APAF1: variants seen among roughly 807,000 people sequenced by gnomAD.
APAF1 encodes the protein apoptotic peptidase activating factor 1.
APAF1 carries 91 observed loss-of-function variants against 152.4 expected under a neutral mutation model. That is an observed-to-expected ratio of 0.60 (90% CI 0.50 to 0.71). APAF1 has a LOEUF of 0.71. Among genes scored for constraint, APAF1 ranks in the 30% least tolerant of loss-of-function variants. APAF1 has a pLI of 0.00. For synonymous variants in APAF1, 484 were observed against 494.1 expected, an observed-to-expected ratio of 0.98 and a Z score of 0.27; for missense variants, 1,283 against 1,472.0, an observed-to-expected ratio of 0.87 and a Z score of 2.10.
chr12:98,725,641 T>C (rs2097749387), intron 25 of APAF1, 101 bp downstream of exon 25: 2 of 1,537,602 alleles, frequency 1.3e-6, no homozygotes, highest in Non-Finnish European at 1.8e-6. Context: ...AGCATAGTCC[T>C]GAAGTTGTGG....
At chr12:98,714,942 T>A (rs1019565631) in intron 21 of APAF1, among the ~76,000 whole-genome samples, 2 of 151,074 alleles carry the variant, frequency 1.3e-5, no homozygotes, top group Non-Finnish European at 2.9e-5. Context: ...CTCATTGCAC[T>A]GCCCACCAGC....
chr12:98,648,333 C>T lies in APAF1; in HGVS notation c.-27C>T. 2 of 1,613,852 alleles carry T rather than the reference C, an allele frequency of 1.2e-6. No homozygotes were observed. The highest frequency in any genetic ancestry group is 1.7e-6 in the Non-Finnish European group (2 of 1,179,902). On this transcript the variant is annotated 5_prime_UTR_variant, in exon 2 of 27. Transcript: ENST00000551964. Reference sequence around the variant, plus strand: ...TTTGGCTGTAGCTCATGGTTGACAGCTCAGAGAGAGAAAGATCTGAGGGAA... The same window carrying T: ...TTTGGCTGTAGCTCATGGTTGACAGTTCAGAGAGAGAAAGATCTGAGGGAA...
At chr12:98,668,727 G>A (rs2097676542) in intron 10 of APAF1, among the ~76,000 whole-genome samples, 1 of 152,148 alleles carries the variant, frequency 6.6e-6, no homozygotes, top group Non-Finnish European at 1.5e-5. Context: ...ACTGAAACAG[G>A]GGTCTTTGGG....
rs369973575 is a variant in APAF1 at position 98,667,495 on chromosome 12, C to T, written c.1363-18C>T. ...ATAAAATTGTTTCTGGCTTCTGAAA[C>T]GTTTCATTGGGTTGCAGGATCTACA... On this transcript the variant is annotated intron_variant, in intron 9 of 26. Coordinates refer to ENST00000551964, the MANE Select transcript of APAF1 (RefSeq NM_181861.2). 5.1e-5 allele frequency: 82 copies of T among 1,612,114 alleles called. No individual in the cohort carries two copies. The highest frequency in any genetic ancestry group is 6.6e-5 in the Non-Finnish European group (78 of 1,179,448).
At chr12:98,681,272 G>A (rs974023305) in intron 14 of APAF1, among the ~76,000 whole-genome samples, 1 of 152,030 alleles carries the variant, frequency 6.6e-6, no homozygotes, top group East Asian at 1.9e-4. Flanking sequence ...ATGTTGGTCA[G>A]GCTGGTATTG....
intron 17 of APAF1, among the ~76,000 whole-genome samples, chr12:98,701,802 C>T (rs1333313413): frequency 6.6e-6 from 1 of 152,172 alleles, no homozygotes; most frequent in Non-Finnish European, 1.5e-5. Context: ...TCTCCTTCCT[C>T]CTCCTGTTCT....
intron 4 of APAF1, among the ~76,000 whole-genome samples, chr12:98,654,567 C>G (rs2153309481): frequency 6.6e-6 from 1 of 152,064 alleles, no homozygotes; most frequent in Non-Finnish European, 1.5e-5. Context: ...GCCACCACAC[C>G]CGGCTAATTT....
At chr12:98,721,167 G>C (rs561168031) in intron 22 of APAF1, among the ~76,000 whole-genome samples, 1 of 152,086 alleles carries the variant, frequency 6.6e-6, no homozygotes, top group Non-Finnish European at 1.5e-5. Flanking sequence ...GTGTGTTTCC[G>C]TGCAACAACA....
chr12:98,689,048 C>T (rs1287471761), intron 16 of APAF1, among the ~76,000 whole-genome samples: 6 of 151,956 alleles, frequency 3.9e-5, no homozygotes, highest in Non-Finnish European at 7.4e-5. Flanking sequence ...CTCCTGGGCT[C>T]GAGTAGTCTG....
chr12:98,669,704 C>A (rs1565866215), intron 10 of APAF1, among the ~76,000 whole-genome samples: 1 of 152,078 alleles, frequency 6.6e-6, no homozygotes, highest in Non-Finnish European at 1.5e-5. Flanking sequence ...TCTTAGGATA[C>A]TTTTTTATAA....
intron 19 of APAF1, among the ~76,000 whole-genome samples, chr12:98,707,699 T>TAC (rs2097723087): frequency 6.7e-6 from 1 of 149,406 alleles, no homozygotes. Flanking sequence ...GTACTATATA[T>TAC]ATATATATAT....
At chr12:98,682,255 A>G (rs562392155) in intron 14 of APAF1, among the ~76,000 whole-genome samples, 743 of 151,628 alleles carry the variant, frequency 4.9e-3, no homozygotes, top group Non-Finnish European at 7.4e-3. Context: ...GGGTTTCACC[A>G]TGTTAGCCAG....
At chr12:98,703,240 G>A in intron 17 of APAF1, 131 bp from the exon 18 acceptor site, 1 of 960,354 alleles carries the variant, frequency 1.0e-6, no homozygotes, top group Non-Finnish European at 1.6e-6. Flanking sequence ...GTTTATGACT[G>A]TCAATAATTA....
intron 14 of APAF1, among the ~76,000 whole-genome samples, chr12:98,680,647 C>T (rs1244127005): frequency 6.6e-6 from 1 of 152,014 alleles, no homozygotes; most frequent in African/African-American, 2.4e-5. Context: ...AATTCCTGGG[C>T]TCAAGTGATC....
chr12:98,687,938 A>G (rs2097699740), intron 16 of APAF1, among the ~76,000 whole-genome samples: 1 of 152,044 alleles, frequency 6.6e-6, no homozygotes, highest in Non-Finnish European at 1.5e-5. Flanking sequence ...CAGTCTCCCA[A>G]GTAGATAGGA....
chr12:98,705,731 C>A lies in APAF1; in HGVS notation c.2596-754C>A, dbSNP rs1343871075. ...TAACAAGAGAAATGTGTACATGTTA[C>A]AATTATTGTGTTAATTTATTGTAGG... On this transcript the variant is annotated intron_variant, in intron 18 of 26. Coordinates refer to ENST00000551964, the MANE Select transcript of APAF1 (RefSeq NM_181861.2). Among the ~76,000 whole-genome samples, 5 of 152,224 alleles carry A rather than the reference C, an allele frequency of 3.3e-5. No individual in the cohort carries two copies. In the East Asian group the frequency reaches 7.7e-4, roughly 23 times the overall value.
At chr12:98,665,278 A>ATATATATATATATATATATATATAT (rs1491316422) in intron 7 of APAF1, among the ~76,000 whole-genome samples, 110 of 65,956 alleles carry the variant, frequency 1.7e-3, no homozygotes, top group Non-Finnish European at 2.5e-3. Context: ...ATATATATAT[A>ATATATATATATATATATATATATAT]TTTTTTTTTT....
In APAF1 at chr12:98,662,438, A is replaced by AT. The variant is rs751568034; in HGVS notation, c.711-8dup. On this transcript the variant is annotated splice_polypyrimidine_tract_variant and intron_variant, in intron 5 of 26. Coordinates refer to ENST00000551964, the MANE Select transcript of APAF1 (RefSeq NM_181861.2). Reference sequence around the variant, plus strand: ...AAGATAAGTGTCATTAGTGATTAATATTTTTTTTTTAAATTAGGTCTCTCT... The same window carrying AT: ...AAGATAAGTGTCATTAGTGATTAATATTTTTTTTTTTAAATTAGGTCTCTCT... 1.0e-3 allele frequency: 1,512 copies of AT among 1,445,774 alleles called. No individual in the cohort carries two copies. Among genetic ancestry groups the AT allele is most frequent in the Non-Finnish European group, 1.3e-3 (1,313 of 1,039,538 alleles). The allele number at this position is 1,445,774 out of a possible 1,614,324, so 89.6% of individuals were successfully genotyped here. A position where few individuals can be genotyped will look rare whatever the true frequency, so the allele number is the denominator to read the frequency against.
chr12:98,653,533 T>C (rs1277972841), intron 4 of APAF1, among the ~76,000 whole-genome samples: 1 of 150,444 alleles, frequency 6.6e-6, no homozygotes, highest in Non-Finnish European at 1.5e-5. Context: ...GGCGCATGCC[T>C]GTAATCCCAG....
Sources: allele counts gnomAD v4.1 joint callset (sites outside exome capture counted in the v4.1 genomes callset), GRCh38; gene constraint gnomAD v4.1.1; transcripts MANE v1.5; gene names NCBI Gene and HGNC (gene_info 2026-07-23, HGNC 2026-07-21).